Variants in SMYD3 observed in about 807,000 individuals in gnomAD.
SMYD3 encodes SET and MYND domain containing 3.
SMYD3 carries 36 observed loss-of-function variants against 57.7 expected under a neutral mutation model. The observed-to-expected ratio is 0.62, with a 90% CI of 0.48 to 0.82. The LOEUF is 0.82. Ranked by LOEUF, SMYD3 falls within the 40% of genes least tolerant of loss-of-function variation. The pLI, the probability that SMYD3 is intolerant of heterozygous loss-of-function variation, is 0.00. For synonymous variants in SMYD3, 211 were observed against 195.0 expected, an observed-to-expected ratio of 1.08 and a Z score of -0.68; for missense variants, 515 against 538.8, an observed-to-expected ratio of 0.96 and a Z score of 0.44.
intron 11 of SMYD3, among the ~76,000 whole-genome samples, chr1:245,753,347 TG>T: frequency 6.6e-6 from 1 of 151,986 alleles, no homozygotes; most frequent in Non-Finnish European, 1.5e-5. Context: ...CTCTGAAAGA[TG>T]GGCAGATGTA....
intron 5 of SMYD3, among the ~76,000 whole-genome samples, chr1:246,022,952 T>C (rs2059498721): frequency 6.6e-6 from 1 of 152,206 alleles, no homozygotes. Context: ...CTTTTTCAAA[T>C]CAGGATATAG....
intron 5 of SMYD3, among the ~76,000 whole-genome samples, chr1:245,973,284 G>A (rs61446911): frequency 0.032 from 4,844 of 152,286 alleles, 263 homozygotes; most frequent in African/African-American, 0.11. Flanking sequence ...TGTTTTTGAG[G>A]TTATAGCAGG....
chr1:246,065,219 T>C (rs1229511916), intron 5 of SMYD3, among the ~76,000 whole-genome samples: 1 of 152,202 alleles, frequency 6.6e-6, no homozygotes, highest in Non-Finnish European at 1.5e-5. Context: ...TCCTAGTTCT[T>C]CAGCTCAACT....
chr1:246,384,067 T>C (rs1490366659), intron 1 of SMYD3, among the ~76,000 whole-genome samples: 2 of 151,916 alleles, frequency 1.3e-5, no homozygotes, highest in African/African-American at 4.8e-5. Context: ...GGATGGAAAA[T>C]GGAATGACTC....
intron 1 of SMYD3, among the ~76,000 whole-genome samples, chr1:246,357,044 C>T (rs1019856600): frequency 1.1e-4 from 16 of 152,224 alleles, no homozygotes; most frequent in African/African-American, 3.4e-4. Flanking sequence ...ATCAGGTAGC[C>T]TATAAAAGAA....
chr1:245,827,629 G>A (rs373923691), intron 10 of SMYD3, among the ~76,000 whole-genome samples: 2 of 152,004 alleles, frequency 1.3e-5, no homozygotes, highest in South Asian at 2.1e-4. Flanking sequence ...CCTACTCTAT[G>A]ATCTTCCAAG....
intron 10 of SMYD3, among the ~76,000 whole-genome samples, chr1:245,807,444 C>T (rs758421847): frequency 1.3e-4 from 20 of 152,206 alleles, no homozygotes; most frequent in Non-Finnish European, 2.1e-4. Flanking sequence ...TCCGAACTTC[C>T]GGTCCAATGT....
intron 10 of SMYD3, among the ~76,000 whole-genome samples, chr1:245,824,900 G>A (rs1017309050): frequency 4.7e-5 from 7 of 150,204 alleles, no homozygotes; most frequent in Admixed American, 3.3e-4. Flanking sequence ...GTGTGGCGGC[G>A]TGTACCTGCA....
intron 5 of SMYD3, among the ~76,000 whole-genome samples, chr1:246,111,096 T>C (rs762261710): frequency 1.2e-4 from 18 of 151,790 alleles, no homozygotes; most frequent in African/African-American, 3.4e-4. Flanking sequence ...CATCTTAGTA[T>C]AGCATATATA....
chr1:246,310,052 T>C (rs1193924923), intron 5 of SMYD3, among the ~76,000 whole-genome samples: 1 of 152,196 alleles, frequency 6.6e-6, no homozygotes, highest in Non-Finnish European at 1.5e-5. Context: ...TATAACCTGG[T>C]ATATTATTTA....
At chr1:246,280,104 T>C (rs1407715988) in intron 5 of SMYD3, among the ~76,000 whole-genome samples, 1 of 152,202 alleles carries the variant, frequency 6.6e-6, no homozygotes, top group Non-Finnish European at 1.5e-5. Flanking sequence ...AACAAAGGAA[T>C]ATATATAGTA....
At chr1:246,337,538 C>T (rs1360629534) in intron 2 of SMYD3, among the ~76,000 whole-genome samples, 1 of 152,098 alleles carries the variant, frequency 6.6e-6, no homozygotes, top group Non-Finnish European at 1.5e-5. Context: ...GTTAGTTTTC[C>T]TTTGATTATA....
At chr1:245,907,465 T>A (rs1572652760) in intron 8 of SMYD3, among the ~76,000 whole-genome samples, 1 of 152,184 alleles carries the variant, frequency 6.6e-6, no homozygotes, top group East Asian at 1.9e-4. Context: ...TAAAAAAAAT[T>A]CTTAGGAGAG....
chr1:246,118,821 T>C lies in SMYD3; in HGVS notation c.532-188884A>G, dbSNP rs868607838. On this transcript the variant is annotated intron_variant, in intron 5 of 11. Transcript: ENST00000490107. ...AGGTATGAGGCACGTGCTTTTTTTT[T>C]TTTTTTGGCTCTTCTGCCTTTCTTT... is the stretch of plus-strand genomic sequence containing the variant. Among the ~76,000 whole-genome samples the C allele has an allele frequency of 7.2e-3, 1,091 of 151,828 alleles. 14 individuals are homozygous for C. Among genetic ancestry groups the C allele is most frequent in the African/African-American group, 0.025 (1,033 of 41,460 alleles).
In SMYD3 at chr1:246,059,140, T is replaced by C. The variant is rs1481809978; in HGVS notation, c.532-129203A>G. Among the ~76,000 whole-genome samples, 10 of 152,302 alleles carry C rather than the reference T, an allele frequency of 6.6e-5. No individual in the cohort carries two copies. The East Asian group carries it at 1.7e-3, about 26-fold the overall frequency. On this transcript the variant is annotated intron_variant, in intron 5 of 11. Transcript: ENST00000490107. ...ATCCGCCTGCCTCGGCCTCCCAAAGTGCTGGGATTAAAGGCGTGAGCCACC... is the reference window on the plus strand; with the variant it reads ...ATCCGCCTGCCTCGGCCTCCCAAAGCGCTGGGATTAAAGGCGTGAGCCACC...
intron 1 of SMYD3, among the ~76,000 whole-genome samples, chr1:246,450,246 G>A (rs542430724): frequency 2.0e-5 from 3 of 151,828 alleles, no homozygotes; most frequent in Admixed American, 6.6e-5. Context: ...AGCCGACATC[G>A]CACCATTGCA....
At chr1:245,840,308 C>T (rs1333530392) in intron 10 of SMYD3, among the ~76,000 whole-genome samples, 1 of 151,856 alleles carries the variant, frequency 6.6e-6, no homozygotes, top group African/African-American at 2.4e-5. Context: ...AAAGATAAAA[C>T]GGGTGATTGA....
At chr1:245,958,848 A>T (rs1371877370) in intron 5 of SMYD3, among the ~76,000 whole-genome samples, 1 of 152,200 alleles carries the variant, frequency 6.6e-6, no homozygotes, top group Admixed American at 6.5e-5. Flanking sequence ...CTATCTCATG[A>T]ACCAGTATTT....
At chr1:246,119,045 AG>A (rs1419367434) in intron 5 of SMYD3, among the ~76,000 whole-genome samples, 1 of 152,008 alleles carries the variant, frequency 6.6e-6, no homozygotes, top group Non-Finnish European at 1.5e-5. Context: ...TTTAGAGACA[AG>A]GTCTCACTCT....
Sources: gnomAD v4.1 joint callset for allele counts (sites outside exome capture counted in the v4.1 genomes callset) on GRCh38, gnomAD v4.1.1 for gene constraint, MANE v1.5 for transcripts, NCBI Gene and HGNC (gene_info 2026-07-23, HGNC 2026-07-21) for gene names.